SIPA1L1: variants seen among roughly 807,000 people sequenced by gnomAD.
The protein encoded by SIPA1L1 is signal induced proliferation associated 1 like 1, also known as signal-induced proliferation-associated 1-like protein 1.
SIPA1L1 carries 26 observed loss-of-function variants against 162.7 expected under a neutral mutation model. The ratio of observed to expected loss-of-function variants is 0.16; its 90% CI spans 0.12 to 0.22. SIPA1L1 has a LOEUF of 0.22. Ranked by LOEUF, SIPA1L1 falls within the 10% of genes least tolerant of loss-of-function variation. The pLI is 1.00. For missense variants in SIPA1L1, 1,874 were observed against 2,241.0 expected, an observed-to-expected ratio of 0.84 and a Z score of 3.31; for synonymous variants, 829 against 837.4, an observed-to-expected ratio of 0.99 and a Z score of 0.17.
intron 4 of SIPA1L1, among the ~76,000 whole-genome samples, chr14:71,535,701 TC>T (rs2053835608): frequency 6.6e-6 from 1 of 151,902 alleles, no homozygotes; most frequent in Non-Finnish European, 1.5e-5. Flanking sequence ...AACCTCTGCC[TC>T]CCAGGTTCAA....
intron 2 of SIPA1L1, among the ~76,000 whole-genome samples, chr14:71,324,987 C>A (rs1028402590): frequency 3.9e-5 from 6 of 152,094 alleles, no homozygotes; most frequent in Admixed American, 3.3e-4. Context: ...TAATCTGAGC[C>A]AGCAGAGAAG....
At chr14:71,607,484 C>A (rs1380896057) in intron 5 of SIPA1L1, among the ~76,000 whole-genome samples, 1 of 152,006 alleles carries the variant, frequency 6.6e-6, no homozygotes, top group Admixed American at 6.6e-5. Flanking sequence ...TCAAGACCAG[C>A]CTGAGCAACA....
At chr14:71,501,162 A>G (rs577149136) in intron 2 of SIPA1L1, among the ~76,000 whole-genome samples, 5 of 152,228 alleles carry the variant, frequency 3.3e-5, no homozygotes, top group African/African-American at 1.2e-4. Context: ...TCTATAAAAA[A>G]TTTTAAAAAT....
At position 71,537,245 on chromosome 14, in the gene SIPA1L1, G is replaced by T. The variant is rs184221731; in HGVS notation, c.-303+7875G>T. 5.3e-5 allele frequency among the ~76,000 whole-genome samples: 8 copies of T among 152,164 alleles called. No individual in the cohort carries two copies. The East Asian group carries it at 1.4e-3, about 26-fold the overall frequency. On this transcript the variant is annotated intron_variant, in intron 4 of 23. Transcript: ENST00000381232. ...TTTTGAGACAGAGTCTAGCTCTGTT[G>T]CCCGGAGTGCAGTGGCGCGATCTTG...
chr14:71,326,984 T>G (rs1284572508), intron 2 of SIPA1L1, among the ~76,000 whole-genome samples: 1 of 151,970 alleles, frequency 6.6e-6, no homozygotes, highest in African/African-American at 2.4e-5. Context: ...AGTGCTGGTA[T>G]TACAGATGTG....
intron 2 of SIPA1L1, among the ~76,000 whole-genome samples, chr14:71,493,895 T>C (rs59153212): frequency 0.022 from 3,387 of 152,322 alleles, 121 homozygotes; most frequent in African/African-American, 0.077. Context: ...GAAGGAACTT[T>C]ATACTCCTGA....
At chr14:71,380,039 A>G (rs902740193) in intron 2 of SIPA1L1, among the ~76,000 whole-genome samples, 10 of 152,206 alleles carry the variant, frequency 6.6e-5, no homozygotes, top group African/African-American at 2.4e-4. Flanking sequence ...AGGATTTGAA[A>G]GTCACAGAGT....
At chr14:71,715,122 C>CA (rs1001738865) in intron 17 of SIPA1L1, among the ~76,000 whole-genome samples, 3 of 151,956 alleles carry the variant, frequency 2.0e-5, no homozygotes, top group Non-Finnish European at 4.4e-5. Flanking sequence ...TGGTCATTTG[C>CA]AAAAAAAGAA....
At position 71,730,127 on chromosome 14, in the gene SIPA1L1, C is replaced by G; in HGVS notation, c.4687C>G (p.Leu1563Val). The G allele has an allele frequency of 1.2e-6, 2 of 1,614,192 alleles. No homozygotes were observed. The highest frequency in any genetic ancestry group is 2.2e-5 in the East Asian group (1 of 44,888). ...PTSRRALHRT[L>V]SDESIYNSQR... ...CTCACGGCGGGCCTTGCACAGAACACTGTCGGACGAGAGCATTTACAATAG... is the reference window on the plus strand; with the variant it reads ...CTCACGGCGGGCCTTGCACAGAACAGTGTCGGACGAGAGCATTTACAATAG... The change falls in exon 20 of 24, where the codon CTG becomes GTG. Residue 1563 changes from leucine to valine, a missense_variant. Leu to Val is a conservative substitution (Grantham distance 32). Coordinates refer to ENST00000381232, the MANE Select transcript of SIPA1L1 (RefSeq NM_001386936.1).
chr14:71,568,839 A>G (rs1432342407), intron 4 of SIPA1L1, among the ~76,000 whole-genome samples: 2 of 152,194 alleles, frequency 1.3e-5, no homozygotes, highest in African/African-American at 4.8e-5. Context: ...TGTGTGTCGG[A>G]AGAATGCATA....
intron 2 of SIPA1L1, among the ~76,000 whole-genome samples, chr14:71,342,357 T>C (rs2035749564): frequency 6.6e-6 from 1 of 152,190 alleles, no homozygotes; most frequent in Non-Finnish European, 1.5e-5. Flanking sequence ...GTGGGATTGC[T>C]GGGTTGAATG....
chr14:71,722,146 G>A (rs2083797734), intron 17 of SIPA1L1, among the ~76,000 whole-genome samples: 1 of 152,156 alleles, frequency 6.6e-6, no homozygotes, highest in Admixed American at 6.5e-5. Flanking sequence ...GAGCATAGGC[G>A]ATGCAGGACC....
intron 20 of SIPA1L1, 25 bp downstream of exon 20, chr14:71,730,326 T>C: frequency 6.2e-7 from 1 of 1,611,302 alleles, no homozygotes; most frequent in Non-Finnish European, 8.5e-7. Flanking sequence ...AGCTGCAGCC[T>C]GGATGGCCCT....
intron 12 of SIPA1L1, among the ~76,000 whole-genome samples, chr14:71,674,811 G>A (rs917167290): frequency 1.5e-4 from 23 of 151,520 alleles, no homozygotes; most frequent in African/African-American, 4.6e-4. Flanking sequence ...TGATCCGCCC[G>A]CCTCGGCCTC....
chr14:71,654,106 G>A lies in SIPA1L1; in HGVS notation c.1993+3597G>A, dbSNP rs779123196. 3.0e-4 allele frequency among the ~76,000 whole-genome samples: 45 copies of A among 152,128 alleles called. 2 individuals carry two copies. The highest frequency in any genetic ancestry group is 4.7e-4 in the Non-Finnish European group (32 of 68,028). ...TCTTAGTATTTTTGTAAAGGAGGAC[G>A]AGGCTCAGGGAAGTAATGAACTATT... On this transcript the variant is annotated intron_variant, in intron 8 of 23. Coordinates refer to ENST00000381232, the MANE Select transcript of SIPA1L1 (RefSeq NM_001386936.1).
chr14:71,430,610 C>T (rs996781158), intron 2 of SIPA1L1, among the ~76,000 whole-genome samples: 2 of 152,226 alleles, frequency 1.3e-5, no homozygotes, highest in Non-Finnish European at 2.9e-5. Context: ...TTAATCCAGC[C>T]TTCTCCTATA....
chr14:71,428,327 C>G (rs2043734074), intron 2 of SIPA1L1, among the ~76,000 whole-genome samples: 1 of 151,782 alleles, frequency 6.6e-6, no homozygotes, highest in African/African-American at 2.4e-5. Context: ...TCATAATGTG[C>G]CAACTCTGGA....
At chr14:71,638,746 A>G (rs1288193108) in intron 7 of SIPA1L1, among the ~76,000 whole-genome samples, 2 of 152,368 alleles carry the variant, frequency 1.3e-5, no homozygotes, top group South Asian at 2.1e-4. Flanking sequence ...TCTGTTTGCA[A>G]AACCCTAAGG....
chr14:71,725,969 A>G (rs1354952510), intron 19 of SIPA1L1, among the ~76,000 whole-genome samples: 4 of 152,234 alleles, frequency 2.6e-5, no homozygotes, highest in Non-Finnish European at 4.4e-5. Flanking sequence ...TGCAAGAGGC[A>G]TGGCGGGTGG....
Sources: allele counts gnomAD v4.1 joint callset (sites outside exome capture counted in the v4.1 genomes callset), GRCh38; gene constraint gnomAD v4.1.1; transcripts MANE v1.5; gene names NCBI Gene and HGNC (gene_info 2026-07-23, HGNC 2026-07-21).